B4GALT5: variants seen among roughly 807,000 people sequenced by gnomAD.
The protein encoded by B4GALT5 is beta-1,4-galactosyltransferase 5, also known as UDP-Gal:beta-GlcNAc beta-1,4-galactosyltransferase 5.
A neutral mutation model predicts 45.0 loss-of-function variants in B4GALT5; 11 were observed. The observed-to-expected ratio is 0.24, with a 90% CI of 0.15 to 0.40. The LOEUF (loss-of-function observed/expected upper bound fraction) is 0.40, where lower values mean the gene tolerates loss of function less well. Among genes scored for constraint, B4GALT5 ranks in the 10% least tolerant of loss-of-function variants. The pLI, the probability that B4GALT5 is intolerant of heterozygous loss-of-function variation, is 1.00. For synonymous variants in B4GALT5, 185 were observed against 182.9 expected (o/e 1.01, Z -0.09); for missense variants, 337 against 500.2 (o/e 0.67, Z 3.11).
In B4GALT5 at chr20:49,639,658, C is replaced by T. The variant is rs192858706; in HGVS notation, c.917+20G>A. The T allele has an allele frequency of 5.0e-5, 81 of 1,611,898 alleles. No homozygotes were observed. The East Asian group carries it at 1.3e-3, about 26-fold the overall frequency. Reference sequence around the variant, plus strand: ...CTAAGGTAGCATTTCTAGAAGACACCGAAAGAACGGCAGAGGTACCTGTTC... The same window carrying T: ...CTAAGGTAGCATTTCTAGAAGACACTGAAAGAACGGCAGAGGTACCTGTTC... On this transcript the variant is annotated intron_variant, in intron 7 of 8. Coordinates refer to ENST00000371711, the MANE Select transcript of B4GALT5 (RefSeq NM_004776.4).
chr20:49,713,354 G>A (rs950600707), intron 1 of B4GALT5, among the ~76,000 whole-genome samples: 6 of 151,762 alleles, frequency 4.0e-5, no homozygotes, highest in Admixed American at 6.6e-5. Context: ...GAGGGGCGGG[G>A]TGGGCCGGAG....
chr20:49,639,446 C>T (rs1568714314), intron 7 of B4GALT5, among the ~76,000 whole-genome samples: 1 of 152,042 alleles, frequency 6.6e-6, no homozygotes, highest in Non-Finnish European at 1.5e-5. Context: ...TCTCTGTGGC[C>T]TCGAACTCCC....
rs754674941 is a variant in B4GALT5 at position 49,639,775 on chromosome 20, C to T, written c.820G>A (p.Gly274Arg). Residue 274 changes from glycine to arginine, a missense_variant, in exon 7 of 9, where the codon GGA becomes AGA. This residue lies in a region of B4GALT5 where 163 missense variants were observed against 292.8 expected (regional missense o/e 0.56). Transcript: ENST00000371711. The part of the protein sequence containing the change: ...YLLPYTEFFG[G>R]VSGLTVEQFR... ...TGTTCCACTGTTAAGCCACTCACTC[C>T]GCCAAAGAACTCGGTATAAGGAAGC... is the stretch of plus-strand genomic sequence containing the variant. The T allele has an allele frequency of 1.9e-6, 3 of 1,613,230 alleles. No homozygotes were observed. The highest frequency in any genetic ancestry group is 1.7e-5 in the Admixed American group (1 of 59,964).
intron 1 of B4GALT5, 58 bp from the exon 2 acceptor site, chr20:49,656,760 C>A (rs1482944696): frequency 1.2e-6 from 2 of 1,600,824 alleles, no homozygotes; most frequent in African/African-American, 2.7e-5. Flanking sequence ...TTTAAAAAAA[C>A]ATACCACATA....
chr20:49,652,056 G>A (rs1601251142), intron 2 of B4GALT5, among the ~76,000 whole-genome samples: 1 of 152,240 alleles, frequency 6.6e-6, no homozygotes, highest in East Asian at 1.9e-4. Flanking sequence ...TCCAGCCTGG[G>A]TGACAGAGCA....
In B4GALT5 at chr20:49,650,748, C is replaced by G. The variant is rs531777479; in HGVS notation, c.251-3670G>C. On this transcript the variant is annotated intron_variant, in intron 2 of 8. Coordinates refer to ENST00000371711, the MANE Select transcript of B4GALT5 (RefSeq NM_004776.4). ...ACCTGGTAAAACTATGTGCAGTTAT[C>G]GTGAGGAGCCCTTGTTTTTCTCCCC... Among the ~76,000 whole-genome samples the G allele has an allele frequency of 3.3e-5, 5 of 152,246 alleles. No individual in the cohort carries two copies. The South Asian group carries it at 1.0e-3, about 32-fold the overall frequency.
chr20:49,671,752 CAA>C (rs1384528611), intron 1 of B4GALT5, among the ~76,000 whole-genome samples: 2 of 152,198 alleles, frequency 1.3e-5, no homozygotes, highest in East Asian at 3.8e-4. Flanking sequence ...CCCAAAATTT[CAA>C]AGTTTCCAAA....
At chr20:49,679,212 G>C (rs773326898) in intron 1 of B4GALT5, among the ~76,000 whole-genome samples, 1 of 152,098 alleles carries the variant, frequency 6.6e-6, no homozygotes, top group Non-Finnish European at 1.5e-5. Flanking sequence ...ATAACCTCTT[G>C]CCTCTAATTT....
At chr20:49,647,911 G>A (rs2085605912) in intron 2 of B4GALT5, among the ~76,000 whole-genome samples, 1 of 151,948 alleles carries the variant, frequency 6.6e-6, no homozygotes, top group African/African-American at 2.4e-5. Context: ...TACAGAACAG[G>A]AGTTGGATGT....
At chr20:49,699,643 T>C (rs6019981) in intron 1 of B4GALT5, among the ~76,000 whole-genome samples, 2,199 of 152,238 alleles carry the variant, frequency 0.014, 61 homozygotes, top group African/African-American at 0.05. Context: ...AAAAGATGAA[T>C]AACAATGTAA....
chr20:49,679,571 G>A (rs1376456557), intron 1 of B4GALT5, among the ~76,000 whole-genome samples: 2 of 151,684 alleles, frequency 1.3e-5, no homozygotes, highest in Non-Finnish European at 2.9e-5. Context: ...AGCTACTCAG[G>A]AGGCTGAGGC....
Position 49,703,730 on chromosome 20 carries a change from A to AAAAATAATAATAAT in B4GALT5, c.115+9845_115+9846insATTATTATTATTTT, listed in dbSNP as rs1555814913. On this transcript the variant is annotated intron_variant, in intron 1 of 8. Coordinates refer to ENST00000371711, the MANE Select transcript of B4GALT5 (RefSeq NM_004776.4). Reference sequence around the variant, plus strand: ...ACGGCAAAGCCGCATTTCTACTAAAAAAAAAAAAAATAGCCAGGGGTCATG... The same window carrying AAAAATAATAATAAT: ...ACGGCAAAGCCGCATTTCTACTAAAAAAAATAATAATAATAAAAAAAAAATAGCCAGGGGTCATG... Among the ~76,000 whole-genome samples, 483 of 144,640 alleles carry AAAAATAATAATAAT rather than the reference A, an allele frequency of 3.3e-3. 7 individuals are homozygous for AAAAATAATAATAAT. Among genetic ancestry groups the AAAAATAATAATAAT allele is most frequent in the Middle Eastern group, 0.014 (4 of 290 alleles). 94.9% of individuals were successfully genotyped at this position (144,640 alleles called of 152,430 possible).
chr20:49,684,022 T>A (rs1459839211), intron 1 of B4GALT5, among the ~76,000 whole-genome samples: 1 of 151,796 alleles, frequency 6.6e-6, no homozygotes, highest in Non-Finnish European at 1.5e-5. Context: ...ATGCTTGTAA[T>A]CTCAGCTACT....
At chr20:49,675,335 T>C (rs2085732837) in intron 1 of B4GALT5, among the ~76,000 whole-genome samples, 1 of 152,264 alleles carries the variant, frequency 6.6e-6, no homozygotes, top group African/African-American at 2.4e-5. Flanking sequence ...GGCAACCACA[T>C]AGCTCAGAAA....
intron 1 of B4GALT5, among the ~76,000 whole-genome samples, chr20:49,687,505 G>A (rs965713301): frequency 1.6e-4 from 24 of 152,174 alleles, no homozygotes; most frequent in African/African-American, 5.1e-4. Flanking sequence ...TTAGCCGGGT[G>A]TGGTGGCAGG....
chr20:49,684,709 G>T, intron 1 of B4GALT5: 2 of 506,128 alleles, frequency 4.0e-6, no homozygotes, highest in Non-Finnish European at 7.9e-6. Context: ...ATACTGAAGA[G>T]CCACGTCCTT....
chr20:49,697,178 A>T (rs1342283958), intron 1 of B4GALT5, among the ~76,000 whole-genome samples: 3 of 152,252 alleles, frequency 2.0e-5, no homozygotes, highest in African/African-American at 4.8e-5. Context: ...AATTAACAAC[A>T]GAGTCTCAGA....
At chr20:49,640,372 C>T in intron 6 of B4GALT5, 106 bp downstream of exon 6, 4 of 979,418 alleles carry the variant, frequency 4.1e-6, no homozygotes, top group Non-Finnish European at 5.8e-6. Context: ...GTTTATCCAT[C>T]CATCAGTTGA....
chr20:49,636,063 C>CT lies in B4GALT5; in HGVS notation c.*248dup, dbSNP rs1174668197. The CT allele has an allele frequency of 3.6e-5, 18 of 503,692 alleles. No homozygotes were observed. The highest frequency in any genetic ancestry group is 6.1e-5 in the Non-Finnish European group (17 of 277,936). 31.2% of individuals were successfully genotyped at this position (503,692 alleles called of 1,614,324 possible). On this transcript the variant is annotated 3_prime_UTR_variant, in exon 9 of 9. Coordinates refer to ENST00000371711, the MANE Select transcript of B4GALT5 (RefSeq NM_004776.4). ...GGGGAGAGAGCAGCGGGACAGACGTCTGTCTTGTGAAAACAGAAAGCCAGT... is the reference window on the plus strand; with the variant it reads ...GGGGAGAGAGCAGCGGGACAGACGTCTTGTCTTGTGAAAACAGAAAGCCAGT...
Sources: allele counts gnomAD v4.1 joint callset (sites outside exome capture counted in the v4.1 genomes callset), GRCh38; gene constraint gnomAD v4.1.1; regional missense constraint gnomAD v4.1.1; transcripts MANE v1.5; gene names NCBI Gene and HGNC (gene_info 2026-07-23, HGNC 2026-07-21).